Variants in NEDD4L observed in about 807,000 individuals in gnomAD.
NEDD4L encodes the protein E3 ubiquitin-protein ligase NEDD4-like.
A neutral mutation model predicts 148.9 loss-of-function variants in NEDD4L; 54 were observed. The ratio of observed to expected loss-of-function variants is 0.36; its 90% confidence interval spans 0.29 to 0.45. NEDD4L has a LOEUF of 0.45. Among genes scored for constraint, NEDD4L ranks in the 20% least tolerant of loss-of-function variants. The probability of loss-of-function intolerance (pLI) is 1.00; values close to 1 mark genes in which losing one functional copy is unlikely to be tolerated. For synonymous variants in NEDD4L, 433 were observed against 440.7 expected (o/e 0.98, Z 0.22); for missense variants, 856 against 1,233.8 (o/e 0.69, Z 4.59).
chr18:58,279,219 A>C (rs1268918956), intron 5 of NEDD4L, among the ~76,000 whole-genome samples: 1 of 152,146 alleles, frequency 6.6e-6, no homozygotes, highest in Non-Finnish European at 1.5e-5. Flanking sequence ...AGAGAGTCCA[A>C]AGTGATACAG....
intron 1 of NEDD4L, among the ~76,000 whole-genome samples, chr18:58,089,541 G>T (rs1399586616): frequency 6.6e-6 from 1 of 151,262 alleles, no homozygotes; most frequent in African/African-American, 2.4e-5. Flanking sequence ...GATAGGCACT[G>T]AATGGGATGG....
At chr18:58,051,554 G>T (rs2081871884) in intron 1 of NEDD4L, among the ~76,000 whole-genome samples, 1 of 152,210 alleles carries the variant, frequency 6.6e-6, no homozygotes, top group Non-Finnish European at 1.5e-5. Flanking sequence ...ACATGGCAAT[G>T]TGTGATAGAT....
At chr18:58,385,407 G>T (rs559938095) in intron 25 of NEDD4L, 119 bp from the exon 26 acceptor site, 10 of 823,722 alleles carry the variant, frequency 1.2e-5, no homozygotes, top group Admixed American at 7.1e-5. Context: ...GGGCACAGAG[G>T]AGACCCTCCC....
intron 2 of NEDD4L, among the ~76,000 whole-genome samples, chr18:58,179,037 C>T (rs971909926): frequency 6.6e-6 from 1 of 152,202 alleles, no homozygotes; most frequent in Non-Finnish European, 1.5e-5. Flanking sequence ...TTAAAACACT[C>T]TCTCTGACAC....
intron 2 of NEDD4L, among the ~76,000 whole-genome samples, chr18:58,177,828 A>C (rs564447640): frequency 1.3e-5 from 2 of 152,356 alleles, no homozygotes; most frequent in African/African-American, 4.8e-5. Context: ...GAATAATTCT[A>C]TTTGGGGGAG....
intron 3 of NEDD4L, chr18:58,247,422 G>A (rs2047397559): frequency 6.6e-6 from 1 of 152,238 alleles, no homozygotes; most frequent in Non-Finnish European, 1.5e-5. Context: ...TAGGCGAGTG[G>A]GGGCTGTCTA....
chr18:58,053,042 A>C (rs1568145827), intron 1 of NEDD4L, among the ~76,000 whole-genome samples: 1 of 152,216 alleles, frequency 6.6e-6, no homozygotes, highest in Non-Finnish European at 1.5e-5. Context: ...GGTCCCATGA[A>C]GAGGATGAAC....
rs563730815 is a variant in NEDD4L, at chr18:58,389,171, C to A, written c.2634C>A (p.Pro878=). 5.0e-6 allele frequency: 8 copies of A among 1,613,292 alleles called. No individual in the cohort carries two copies. Among genetic ancestry groups the A allele is most frequent in the Non-Finnish European group, 6.8e-6 (8 of 1,179,428 alleles). Residue 878 remains proline, a synonymous_variant, in exon 28 of 31, where the codon CCC becomes CCA. Coordinates refer to ENST00000400345, the MANE Select transcript of NEDD4L (RefSeq NM_001144967.3). The part of the protein sequence containing the change: ...IYKNGYCPNH[P]VIQWFWKAVL... ...AGAACGGCTACTGCCCAAACCACCC[C>A]GTCATTCAGTGGTTCTGGAAGGTAA...
chr18:58,374,726 C>G (rs1180466040), intron 24 of NEDD4L, among the ~76,000 whole-genome samples: 1 of 151,294 alleles, frequency 6.6e-6, no homozygotes, highest in African/African-American at 2.4e-5. Flanking sequence ...GCCTTTCACT[C>G]CGGGCTCTCA....
intron 5 of NEDD4L, among the ~76,000 whole-genome samples, chr18:58,281,097 C>T (rs971818954): frequency 6.6e-6 from 1 of 152,188 alleles, no homozygotes; most frequent in African/African-American, 2.4e-5. Context: ...CCCGCCTCAG[C>T]CTCCTGAGTA....
chr18:58,152,812 A>G (rs1014279050), intron 1 of NEDD4L, among the ~76,000 whole-genome samples: 1 of 152,230 alleles, frequency 6.6e-6, no homozygotes, highest in South Asian at 2.1e-4. Flanking sequence ...CTCTGGGAAG[A>G]TGCCCTGTGC....
rs376210319 is a variant in NEDD4L, at chr18:58,130,368, G to A, written c.49-35420G>A. On this transcript the variant is annotated intron_variant, in intron 1 of 30. Coordinates refer to ENST00000400345, the MANE Select transcript of NEDD4L (RefSeq NM_001144967.3). Reference sequence around the variant, plus strand: ...GGGGTTTGGTTGACTGTGATCTAGCGGAACTGTGGCTGTGTTGGGCTCTGT... The same window carrying A: ...GGGGTTTGGTTGACTGTGATCTAGCAGAACTGTGGCTGTGTTGGGCTCTGT... Among the ~76,000 whole-genome samples, 988 of 135,578 alleles carry A rather than the reference G, an allele frequency of 7.3e-3. 10 individuals carry two copies. Among genetic ancestry groups the A allele is most frequent in the South Asian group, 9.3e-3 (35 of 3,746 alleles). 88.9% of individuals were successfully genotyped at this position (135,578 alleles called of 152,430 possible). A position where few individuals can be genotyped will look rare whatever the true frequency, so the allele number is the denominator to read the frequency against.
rs2050646195 is a variant in NEDD4L, at chr18:58,398,622, T to A, written c.*2353T>A. ...ACACCTCAGTTCATCAACCCCTTAATAATATCAGCTTAATTTTAATGACAA... is the reference window on the plus strand; with the variant it reads ...ACACCTCAGTTCATCAACCCCTTAAAAATATCAGCTTAATTTTAATGACAA... On this transcript the variant is annotated 3_prime_UTR_variant, in exon 31 of 31. Transcript: ENST00000400345. 1.3e-5 allele frequency: 2 copies of A among 152,214 alleles called. No homozygotes were observed. Among genetic ancestry groups the A allele is most frequent in the South Asian group, 4.1e-4 (2 of 4,834 alleles). The allele number at this position is 152,214 out of a possible 1,614,324, so 9.4% of individuals were successfully genotyped here. A position where few individuals can be genotyped will look rare whatever the true frequency, so the allele number is the denominator to read the frequency against.
intron 1 of NEDD4L, among the ~76,000 whole-genome samples, chr18:58,084,360 A>G (rs150627338): frequency 3.1e-4 from 47 of 152,346 alleles, no homozygotes; most frequent in African/African-American, 1.1e-3. Flanking sequence ...GGATATACTC[A>G]AAACGATTTA....
chr18:58,398,552 C>T lies in NEDD4L; in HGVS notation c.*2283C>T, dbSNP rs1056920431. 1 of 152,206 alleles carries T rather than the reference C, an allele frequency of 6.6e-6. No individual in the cohort carries two copies. Among genetic ancestry groups the T allele is most frequent in the African/African-American group, 2.4e-5 (1 of 41,446 alleles). 9.4% of individuals were successfully genotyped at this position (152,206 alleles called of 1,614,324 possible). A position where few individuals can be genotyped will look rare whatever the true frequency, so the allele number is the denominator to read the frequency against. On this transcript the variant is annotated 3_prime_UTR_variant, in exon 31 of 31. Transcript: ENST00000400345. ...CTAAGCCAGAAGCAAACAAGAATTA[C>T]TGAAATCTACCCCATGAATACTTGG... is the stretch of plus-strand genomic sequence containing the variant.
At chr18:58,063,308 C>T (rs1405840829) in intron 1 of NEDD4L, among the ~76,000 whole-genome samples, 1 of 151,976 alleles carries the variant, frequency 6.6e-6, no homozygotes, top group Non-Finnish European at 1.5e-5. Context: ...CATCCTGCCT[C>T]AGCTTCCCAA....
At chr18:58,203,141 A>AT in intron 2 of NEDD4L, among the ~76,000 whole-genome samples, 1 of 152,010 alleles carries the variant, frequency 6.6e-6, no homozygotes, top group East Asian at 1.9e-4. Flanking sequence ...TAATTTTTTT[A>AT]TTTTTTGTAG....
chr18:58,233,628 G>A (rs1277211145), intron 2 of NEDD4L, among the ~76,000 whole-genome samples: 1 of 152,210 alleles, frequency 6.6e-6, no homozygotes, highest in Non-Finnish European at 1.5e-5. Context: ...TTTCTAAAGT[G>A]AGACAAAAAG....
At chr18:58,155,796 A>C (rs1047921210) in intron 1 of NEDD4L, among the ~76,000 whole-genome samples, 5 of 152,196 alleles carry the variant, frequency 3.3e-5, no homozygotes, top group Admixed American at 3.3e-4. Flanking sequence ...GGAAGTGAGG[A>C]ATCAGGGATG....
Sources: allele counts gnomAD v4.1 joint callset (sites outside exome capture counted in the v4.1 genomes callset), GRCh38; gene constraint gnomAD v4.1.1; transcripts MANE v1.5; gene names NCBI Gene and HGNC (gene_info 2026-07-23, HGNC 2026-07-21).